The following DEPDC5 variants were observed in gnomAD, a reference collection of about 807,000 sequenced individuals.
DEPDC5 encodes the protein GATOR1 complex protein DEPDC5.
Under a neutral mutation model 217.3 loss-of-function variants are expected in DEPDC5, and 73 were observed. The observed-to-expected ratio is 0.34, with a 90% CI of 0.28 to 0.41. The LOEUF (loss-of-function observed/expected upper bound fraction) is 0.41, where lower values mean the gene tolerates loss of function less well. DEPDC5 is among the 10% of genes least tolerant of loss of function. The pLI, the probability that DEPDC5 is intolerant of heterozygous loss-of-function variation, is 1.00. For missense variants in DEPDC5, 1,675 were observed against 2,070.1 expected, an observed-to-expected ratio of 0.81 and a Z score of 3.70; for synonymous variants, 733 against 756.7, an observed-to-expected ratio of 0.97 and a Z score of 0.51.
intron 4 of DEPDC5, among the ~76,000 whole-genome samples, chr22:31,764,533 A>G (rs1025648356): frequency 6.6e-6 from 1 of 152,082 alleles, no homozygotes. Flanking sequence ...TGTATGCCTC[A>G]GCCTCCCAAG....
intron 35 of DEPDC5, among the ~76,000 whole-genome samples, chr22:31,873,571 T>C (rs571983913): frequency 6.3e-4 from 95 of 151,754 alleles, no homozygotes; most frequent in Non-Finnish European, 1.1e-3. Flanking sequence ...GAGTGCGGTG[T>C]CGCCATCTTG....
chr22:31,847,347 A>T (rs1174401859), intron 31 of DEPDC5, among the ~76,000 whole-genome samples: 2 of 151,064 alleles, frequency 1.3e-5, no homozygotes, highest in Non-Finnish European at 3.0e-5. Flanking sequence ...GCAAAACCCC[A>T]TCTTTACTGG....
At chr22:31,828,328 G>A (rs1278205053) in intron 24 of DEPDC5, among the ~76,000 whole-genome samples, 1 of 152,034 alleles carries the variant, frequency 6.6e-6, no homozygotes, top group Non-Finnish European at 1.5e-5. Context: ...GCGCATGCCT[G>A]TAATCCCAGC....
Position 31,804,150 on chromosome 22 carries a change from T to C in DEPDC5, c.1082-12T>C. On this transcript the variant is annotated splice_polypyrimidine_tract_variant and intron_variant, in intron 15 of 42. Transcript: ENST00000651528. ...CCCTCCCCACAATTCTTTTTGTCTT[T>C]TCTTTTTTTAGGAATTGGTGTGGAT... 6.2e-7 allele frequency: 1 copy of C among 1,614,076 alleles called. No homozygotes were observed. The highest frequency in any genetic ancestry group is 8.5e-7 in the Non-Finnish European group (1 of 1,179,928).
At chr22:31,763,240 C>T (rs1030416541) in intron 4 of DEPDC5, among the ~76,000 whole-genome samples, 3 of 152,050 alleles carry the variant, frequency 2.0e-5, no homozygotes, top group Non-Finnish European at 2.9e-5. Flanking sequence ...CCGCCCTCCT[C>T]GGCCTCCCAA....
At chr22:31,780,254 G>A (rs2084288512) in intron 8 of DEPDC5, among the ~76,000 whole-genome samples, 7 of 152,146 alleles carry the variant, frequency 4.6e-5, no homozygotes, top group Admixed American at 4.6e-4. Flanking sequence ...ACACATTTCT[G>A]GATAGGGTCC....
chr22:31,766,968 T>G (rs907878491), intron 6 of DEPDC5, among the ~76,000 whole-genome samples: 1 of 152,158 alleles, frequency 6.6e-6, no homozygotes, highest in Non-Finnish European at 1.5e-5. Flanking sequence ...TCACATCTCC[T>G]CATGGACAGG....
At chr22:31,879,097 CAT>C (rs768869291) in intron 37 of DEPDC5, among the ~76,000 whole-genome samples, 2 of 128,828 alleles carry the variant, frequency 1.6e-5, no homozygotes, top group East Asian at 2.0e-4. Flanking sequence ...TATATATACA[CAT>C]ATATATACAT....
At chr22:31,765,104 C>G in intron 5 of DEPDC5, 44 bp downstream of exon 5, 2 of 1,477,174 alleles carry the variant, frequency 1.4e-6, no homozygotes, top group Non-Finnish European at 1.9e-6. Flanking sequence ...GGAATAAGCA[C>G]CCTTCCTCAA....
At chr22:31,894,102 G>C (rs2093497619) in intron 39 of DEPDC5, 1 of 162,986 alleles carries the variant, frequency 6.1e-6, no homozygotes, top group African/African-American at 2.4e-5. Context: ...CCCAGATATT[G>C]TCACATGTCC....
chr22:31,824,588 C>T (rs1044323574), intron 24 of DEPDC5, among the ~76,000 whole-genome samples: 3 of 152,072 alleles, frequency 2.0e-5, no homozygotes, highest in Non-Finnish European at 4.4e-5. Context: ...TGAGAAAACA[C>T]ATTGAATACA....
chr22:31,758,647 A>C lies in DEPDC5; in HGVS notation c.146+14A>C, dbSNP rs776627801. 3.7e-6 allele frequency: 6 copies of C among 1,611,370 alleles called. No homozygotes were observed. In the South Asian group the frequency reaches 6.6e-5, roughly 18 times the overall value. ...CGATGAATACAGGTGAGTGTCTCAT[A>C]GGATCCATGGAACTGGGCAATTCAC... On this transcript the variant is annotated intron_variant, in intron 3 of 42. Coordinates refer to ENST00000651528, the MANE Select transcript of DEPDC5 (RefSeq NM_001242896.3).
chr22:31,899,318 A>G (rs189957573), intron 40 of DEPDC5, among the ~76,000 whole-genome samples: 42 of 152,116 alleles, frequency 2.8e-4, no homozygotes, highest in Admixed American at 1.5e-3. Flanking sequence ...CAAAATCTTA[A>G]AAATCTGACA....
chr22:31,770,156 C>T (rs1315624116), intron 7 of DEPDC5, among the ~76,000 whole-genome samples: 1 of 150,076 alleles, frequency 6.7e-6, no homozygotes, highest in Admixed American at 6.6e-5. Context: ...ATCGCCTGAG[C>T]CCTGGGAGGT....
At chr22:31,808,223 A>G (rs868620711) in intron 18 of DEPDC5, among the ~76,000 whole-genome samples, 4 of 149,758 alleles carry the variant, frequency 2.7e-5, no homozygotes, top group South Asian at 2.1e-4. Flanking sequence ...AGCCTCCCCA[A>G]TAGCTAGGAC....
rs961538889 is a variant in DEPDC5, at chr22:31,791,004, C to T, written c.625-1029C>T. Among the ~76,000 whole-genome samples, 3 of 152,040 alleles carry T rather than the reference C, an allele frequency of 2.0e-5. No individual in the cohort carries two copies. The East Asian group carries it at 5.8e-4, about 29-fold the overall frequency. ...TCAGGTGATCCACCCGCCTCAGCCT[C>T]CCAAAGCACCGGGATTGCAGGTTTG... On this transcript the variant is annotated intron_variant, in intron 10 of 42. Transcript: ENST00000651528.
chr22:31,809,694 A>C (rs772085045), intron 19 of DEPDC5, 47 bp downstream of exon 19: 5 of 1,606,364 alleles, frequency 3.1e-6, no homozygotes, highest in Non-Finnish European at 3.4e-6. Context: ...AAAGAGAGTC[A>C]GCTGGCTGGG....
At chr22:31,788,911 G>C (rs1313385916) in intron 10 of DEPDC5, among the ~76,000 whole-genome samples, 1 of 151,860 alleles carries the variant, frequency 6.6e-6, no homozygotes, top group Non-Finnish European at 1.5e-5. Flanking sequence ...TGTATTTTTA[G>C]AGACAGTCTC....
chr22:31,808,897 ATTG>A (rs2087899284), intron 18 of DEPDC5, among the ~76,000 whole-genome samples: 1 of 151,890 alleles, frequency 6.6e-6, no homozygotes, highest in Non-Finnish European at 1.5e-5. Context: ...AAGAGTTAGT[ATTG>A]TTGTGAAAGT....
Sources: allele counts gnomAD v4.1 joint callset (sites outside exome capture counted in the v4.1 genomes callset), GRCh38; gene constraint gnomAD v4.1.1; transcripts MANE v1.5; gene names NCBI Gene and HGNC (gene_info 2026-07-23, HGNC 2026-07-21).